The following CDKL5 variants were observed in gnomAD, a reference collection of about 807,000 sequenced individuals.
CDKL5 encodes cyclin-dependent kinase-like 5.
CDKL5 carries 8 observed loss-of-function variants against 61.7 expected under a neutral mutation model. That is an observed-to-expected ratio of 0.13 (90% CI 0.08 to 0.23). The LOEUF (loss-of-function observed/expected upper bound fraction) is 0.23, where lower values mean the gene tolerates loss of function less well. CDKL5 is among the 10% of genes least tolerant of loss of function. The pLI is 1.00. For missense variants in CDKL5, 440 were observed against 734.5 expected (o/e 0.60, Z 4.63); for synonymous variants, 275 against 272.3 (o/e 1.01, Z -0.10).
chrX:18,638,126 GCAATC>G lies in CDKL5; in HGVS notation c.*9370_*9374del, dbSNP rs1215698631. 1.8e-5 allele frequency: 2 copies of G among 111,403 alleles called. No homozygotes were observed. The highest frequency in any genetic ancestry group is 6.5e-5 in the African/African-American group (2 of 30,649). 9.2% of individuals were successfully genotyped at this position (111,403 alleles called of 1,213,427 possible). A position where few individuals can be genotyped will look rare whatever the true frequency, so the allele number is the denominator to read the frequency against. ...CCATTCCAAGGGTCACTTTAGGGGT[GCAATC>G]TTCTGGGCTCTGAGAATGGATTCAC... On this transcript the variant is annotated 3_prime_UTR_variant, in exon 18 of 18. Coordinates refer to ENST00000623535, the MANE Select transcript of CDKL5 (RefSeq NM_001323289.2).
intron 3 of CDKL5, among the ~76,000 whole-genome samples, chrX:18,521,654 C>T: frequency 8.9e-6 from 1 of 111,826 alleles, no homozygotes; most frequent in East Asian, 2.8e-4. Flanking sequence ...GTAACCATAC[C>T]CAAATAATGT....
At chrX:18,566,608 T>A (rs934751342) in intron 4 of CDKL5, among the ~76,000 whole-genome samples, 3 of 111,942 alleles carry the variant, frequency 2.7e-5, no homozygotes, top group Non-Finnish European at 3.8e-5. Context: ...GAGCACTGAG[T>A]GAAGTGCTGT....
intron 1 of CDKL5, among the ~76,000 whole-genome samples, chrX:18,501,617 C>T (rs866825876): frequency 4.4e-4 from 49 of 111,423 alleles, no homozygotes; most frequent in Middle Eastern, 9.3e-3. Flanking sequence ...AGTAAGATCT[C>T]GGTTTACTGC....
chrX:18,580,017 T>G (rs779456996), intron 6 of CDKL5, 49 bp downstream of exon 6: 1 of 1,012,912 alleles, frequency 9.9e-7, no homozygotes, highest in Non-Finnish European at 1.4e-6. Flanking sequence ...TCAAATAAAG[T>G]TAAGAGTATT....
downstream of CDKL5, among the ~76,000 whole-genome samples, chrX:18,643,344 C>A (rs965081896): frequency 2.7e-5 from 3 of 111,426 alleles, no homozygotes; most frequent in Non-Finnish European, 5.6e-5. Context: ...CTGCCATGTT[C>A]TTGCCTTTCT....
chrX:18,634,027 A>G lies in CDKL5; in HGVS notation c.*5270A>G, dbSNP rs1173880140. 1.3e-6 allele frequency: 1 copy of G among 752,410 alleles called. No individual in the cohort carries two copies. The highest frequency in any genetic ancestry group is 2.3e-5 in the African/African-American group (1 of 43,131). The allele number at this position is 752,410 out of a possible 1,213,427, so 62.0% of individuals were successfully genotyped here. ...AGGGCCAGCAAAATTGCGGCAGTGA[A>G]ACTAGTTTCACTTCTAAAGCCCTTC... On this transcript the variant is annotated 3_prime_UTR_variant, in exon 18 of 18. Transcript: ENST00000623535.
intron 3 of CDKL5, among the ~76,000 whole-genome samples, chrX:18,533,970 G>A (rs146670884): frequency 3.5e-4 from 39 of 111,748 alleles, no homozygotes; most frequent in African/African-American, 1.2e-3. Flanking sequence ...CATGGCCTCC[G>A]TCTTGCCCCA....
chrX:18,597,404 A>G (rs942067528), intron 10 of CDKL5, among the ~76,000 whole-genome samples: 10 of 109,813 alleles, frequency 9.1e-5, no homozygotes, highest in Non-Finnish European at 1.7e-4. Context: ...CAGGTCACCA[A>G]AATTAATTCA....
At chrX:18,466,871 G>C (rs1920965635) in intron 1 of CDKL5, among the ~76,000 whole-genome samples, 1 of 111,145 alleles carries the variant, frequency 9.0e-6, no homozygotes, top group Non-Finnish European at 1.9e-5. Context: ...GGAGCTCTCC[G>C]CATTTGCAGA....
At chrX:18,583,362 T>G (rs1456321480) in intron 7 of CDKL5, among the ~76,000 whole-genome samples, 2 of 111,546 alleles carry the variant, frequency 1.8e-5, no homozygotes, top group Non-Finnish European at 3.8e-5. Flanking sequence ...CTCCTTGGTC[T>G]GACTTGAAGA....
At chrX:18,530,124 C>A (rs765414055) in intron 3 of CDKL5, among the ~76,000 whole-genome samples, 1 of 107,709 alleles carries the variant, frequency 9.3e-6, no homozygotes, top group Non-Finnish European at 1.9e-5. Context: ...GTCAAAAGAT[C>A]GAGACCATCC....
chrX:18,622,695 G>A (rs1375579815), intron 16 of CDKL5, among the ~76,000 whole-genome samples: 1 of 111,417 alleles, frequency 9.0e-6, no homozygotes, highest in Non-Finnish European at 1.9e-5. Context: ...ACTGGTATAG[G>A]AACTGAGCCC....
intron 1 of CDKL5, among the ~76,000 whole-genome samples, chrX:18,486,276 A>C (rs1421562431): frequency 8.9e-6 from 1 of 111,909 alleles, no homozygotes; most frequent in Non-Finnish European, 1.9e-5. Flanking sequence ...TCTTCAATGA[A>C]GCTTTCTCTG....
intron 1 of CDKL5, among the ~76,000 whole-genome samples, chrX:18,492,802 A>T (rs1442685860): frequency 2.7e-5 from 3 of 112,215 alleles, no homozygotes; most frequent in Non-Finnish European, 5.6e-5. Context: ...CGTTCCAGGT[A>T]CTGAGCCATT....
chrX:18,452,880 G>C (rs553772227), intron 1 of CDKL5, among the ~76,000 whole-genome samples: 2 of 93,845 alleles, frequency 2.1e-5, no homozygotes, highest in East Asian at 6.9e-4. Flanking sequence ...ACCCAGGCTG[G>C]AGGGCAGTGG....
At chrX:18,591,684 A>G (rs947948636) in intron 9 of CDKL5, among the ~76,000 whole-genome samples, 1 of 111,664 alleles carries the variant, frequency 9.0e-6, no homozygotes, top group African/African-American at 3.3e-5. Context: ...CTTTGGCCAC[A>G]TTGAACCTCT....
At position 18,575,335 on chromosome X, in the gene CDKL5, A is replaced by G. The variant is rs1057523365; in HGVS notation, c.146-19A>G. On this transcript the variant is annotated intron_variant, in intron 4 of 17. Transcript: ENST00000623535. ...TGAAAGTTTTCATTTTAGTCTCTTC[A>G]CCATTGTTTACATTCTAGAAAATGA... is the stretch of plus-strand genomic sequence containing the variant. 1 of 1,200,685 alleles carries G rather than the reference A, an allele frequency of 8.3e-7. No individual in the cohort carries two copies. Among genetic ancestry groups the G allele is most frequent in the Admixed American group, 2.2e-5 (1 of 45,886 alleles).
downstream of CDKL5, among the ~76,000 whole-genome samples, chrX:18,642,490 C>CCAT (rs10688706): frequency 0.063 from 7,106 of 112,003 alleles, 512 homozygotes; most frequent in African/African-American, 0.21. Flanking sequence ...GTGAACATTT[C>CCAT]CATCACAGAA....
At chrX:18,541,680 C>T (rs1924029537) in intron 3 of CDKL5, among the ~76,000 whole-genome samples, 2 of 110,515 alleles carry the variant, frequency 1.8e-5, no homozygotes, top group Non-Finnish European at 3.8e-5. Flanking sequence ...ACAGACGCGC[C>T]CAGCTAATTT....
Sources: allele counts gnomAD v4.1 joint callset (sites outside exome capture counted in the v4.1 genomes callset), GRCh38; gene constraint gnomAD v4.1.1; transcripts MANE v1.5; gene names NCBI Gene and HGNC (gene_info 2026-07-23, HGNC 2026-07-21).